The following PTPRD variants were observed in gnomAD, a reference collection of about 807,000 sequenced individuals.
The protein encoded by PTPRD is receptor-type tyrosine-protein phosphatase delta.
A neutral mutation model predicts 214.5 loss-of-function variants in PTPRD; 34 were observed. The ratio of observed to expected loss-of-function variants is 0.16; its 90% CI spans 0.12 to 0.21. The LOEUF is 0.21. PTPRD is among the 10% of genes least tolerant of loss of function. The pLI, the probability that PTPRD is intolerant of heterozygous loss-of-function variation, is 1.00. For synonymous variants in PTPRD, 1,128 were observed against 845.7 expected (o/e 1.33, Z -5.79); for missense variants, 2,545 against 2,398.7 (o/e 1.06, Z -1.27).
chr9:8,667,052 CAGA>C (rs1308075640), intron 12 of PTPRD, among the ~76,000 whole-genome samples: 1 of 151,996 alleles, frequency 6.6e-6, no homozygotes, highest in Non-Finnish European at 1.5e-5. Flanking sequence ...GAAACAAAAC[CAGA>C]AGGCCAGGCG....
chr9:8,755,241 A>G (rs1565816608), intron 11 of PTPRD, among the ~76,000 whole-genome samples: 1 of 145,476 alleles, frequency 6.9e-6, no homozygotes, highest in East Asian at 2.0e-4. Flanking sequence ...AACAAAAAAA[A>G]CAAACAGGCC....
At chr9:10,492,506 G>T (rs1267115617) in intron 2 of PTPRD, among the ~76,000 whole-genome samples, 1 of 152,078 alleles carries the variant, frequency 6.6e-6, no homozygotes, top group African/African-American at 2.4e-5. Flanking sequence ...CCACATAAAT[G>T]TCTTTTTTTG....
chr9:10,143,280 T>TAAGTA (rs2098999567), intron 3 of PTPRD, among the ~76,000 whole-genome samples: 1 of 117,636 alleles, frequency 8.5e-6, no homozygotes, highest in African/African-American at 2.8e-5. Flanking sequence ...ATAATAATAA[T>TAAGTA]AAATAAAATA....
intron 8 of PTPRD, among the ~76,000 whole-genome samples, chr9:9,474,260 G>A (rs1300796724): frequency 6.6e-6 from 1 of 151,998 alleles, no homozygotes; most frequent in Non-Finnish European, 1.5e-5. Context: ...AAATCAGGTG[G>A]CTGCAATAGG....
At chr9:8,335,261 G>A (rs890444482) in intron 43 of PTPRD, among the ~76,000 whole-genome samples, 72 of 150,614 alleles carry the variant, frequency 4.8e-4, no homozygotes, top group African/African-American at 1.5e-3. Context: ...CTGGCAAACC[G>A]AATCCAGCAG....
intron 2 of PTPRD, among the ~76,000 whole-genome samples, chr9:10,397,745 C>A (rs1169523639): frequency 6.6e-6 from 1 of 151,912 alleles, no homozygotes. Flanking sequence ...AGAGTGAAAC[C>A]TACAAGTGGT....
At chr9:8,497,813 G>C (rs187167664) in intron 25 of PTPRD, among the ~76,000 whole-genome samples, 22 of 152,204 alleles carry the variant, frequency 1.4e-4, no homozygotes, top group Admixed American at 1.4e-3. Flanking sequence ...AATGCATTTG[G>C]TATTATATAA....
intron 5 of PTPRD, among the ~76,000 whole-genome samples, chr9:9,928,582 G>A (rs767767905): frequency 1.6e-4 from 24 of 152,046 alleles, no homozygotes; most frequent in South Asian, 2.1e-4. Flanking sequence ...ATGCCATAAA[G>A]TGGAAAAAAT....
chr9:9,432,023 G>A (rs1205059083), intron 8 of PTPRD, among the ~76,000 whole-genome samples: 1 of 148,014 alleles, frequency 6.8e-6, no homozygotes, highest in Non-Finnish European at 1.5e-5. Context: ...TGCATGTTGT[G>A]TACATGTACC....
chr9:8,514,525 G>GTT (rs61389121), intron 21 of PTPRD, among the ~76,000 whole-genome samples: 170 of 136,712 alleles, frequency 1.2e-3, no homozygotes, highest in East Asian at 7.8e-3. Flanking sequence ...GATAAACTTA[G>GTT]TTTTTTTTTT....
At chr9:10,569,832 C>T (rs369745972) in intron 2 of PTPRD, among the ~76,000 whole-genome samples, 2 of 151,890 alleles carry the variant, frequency 1.3e-5, no homozygotes, top group African/African-American at 4.8e-5. Context: ...AACTAATGAG[C>T]TTGGTATATT....
intron 2 of PTPRD, among the ~76,000 whole-genome samples, chr9:10,495,350 C>G (rs1056866440): frequency 2.0e-5 from 3 of 151,782 alleles, no homozygotes; most frequent in African/African-American, 7.2e-5. Context: ...ATAGAAAATC[C>G]ACTTCACTCA....
chr9:10,119,040 A>T (rs1299305173), intron 3 of PTPRD, among the ~76,000 whole-genome samples: 1 of 151,870 alleles, frequency 6.6e-6, no homozygotes, highest in African/African-American at 2.4e-5. Flanking sequence ...AAATAGACTA[A>T]CCAGGGCATT....
At chr9:9,077,240 A>T (rs1278030468) in intron 10 of PTPRD, among the ~76,000 whole-genome samples, 1 of 151,806 alleles carries the variant, frequency 6.6e-6, no homozygotes, top group African/African-American at 2.4e-5. Context: ...ACAGTTTACA[A>T]ATATTTTCTT....
chr9:9,384,343 CTTTTTTTTTTTTTTTTTTTTTTTT>C lies in PTPRD; in HGVS notation c.-203+13082_-203+13105del, dbSNP rs869246078. Among the ~76,000 whole-genome samples the C allele has an allele frequency of 9.0e-3, 299 of 33,314 alleles. 8 individuals are homozygous for C. The highest frequency in any genetic ancestry group is 0.081 in the Admixed American group (196 of 2,416). 21.9% of individuals were successfully genotyped at this position (33,314 alleles called of 152,430 possible). On this transcript the variant is annotated intron_variant, in intron 9 of 45. Coordinates refer to ENST00000381196, the MANE Select transcript of PTPRD (RefSeq NM_002839.4). ...GATGATATTTGAGCAGAAGACTAGG[CTTTTTTTTTTTTTTTTTTTTTTTT>C]TTTTTTTTTTTTTTTTTCTGGTGGG...
chr9:8,545,783 T>G (rs886764538), intron 14 of PTPRD, among the ~76,000 whole-genome samples: 8 of 152,248 alleles, frequency 5.3e-5, no homozygotes, highest in African/African-American at 1.7e-4. Flanking sequence ...ATGACATGGA[T>G]ACTTGTTTAT....
chr9:10,171,425 C>A (rs528110660), intron 3 of PTPRD, among the ~76,000 whole-genome samples: 1 of 152,212 alleles, frequency 6.6e-6, no homozygotes, highest in African/African-American at 2.4e-5. Context: ...TAGGAAGTTC[C>A]TTTCACCTTC....
At chr9:9,172,363 T>A (rs191450517) in intron 10 of PTPRD, among the ~76,000 whole-genome samples, 22 of 152,252 alleles carry the variant, frequency 1.4e-4, no homozygotes, top group Non-Finnish European at 2.9e-4. Context: ...AGTAAAATGT[T>A]TGGGATCCAA....
chr9:10,174,435 C>T (rs1414772082), intron 3 of PTPRD, among the ~76,000 whole-genome samples: 2 of 152,090 alleles, frequency 1.3e-5, no homozygotes, highest in African/African-American at 2.4e-5. Flanking sequence ...AAATGAGGCC[C>T]TCAACAGAAA....
Sources: allele counts gnomAD v4.1 joint callset (sites outside exome capture counted in the v4.1 genomes callset), GRCh38; gene constraint gnomAD v4.1.1; transcripts MANE v1.5; gene names NCBI Gene and HGNC (gene_info 2026-07-23, HGNC 2026-07-21).